The following CHRM3 variants were observed in gnomAD, a reference collection of about 807,000 sequenced individuals.
The protein encoded by CHRM3 is cholinergic receptor muscarinic 3.
Under a neutral mutation model 41.8 loss-of-function variants are expected in CHRM3, and 11 were observed. That is an observed-to-expected ratio of 0.26 (90% CI 0.17 to 0.44). The LOEUF (loss-of-function observed/expected upper bound fraction) is 0.44, where lower values mean the gene tolerates loss of function less well. CHRM3 is among the 20% of genes least tolerant of loss of function. The pLI is 1.00. For missense variants in CHRM3, 571 were observed against 745.4 expected (o/e 0.77, Z 2.72); for synonymous variants, 297 against 301.4 (o/e 0.99, Z 0.15).
Position 239,618,780 on chromosome 1 carries a change from C to T in CHRM3, c.-312-13444C>T, listed in dbSNP as rs536431072. Among the ~76,000 whole-genome samples, 242 of 140,288 alleles carry T rather than the reference C, an allele frequency of 1.7e-3. 5 individuals carry two copies. The highest frequency in any genetic ancestry group is 3.1e-4 in the Non-Finnish European group (20 of 65,402). 92.0% of individuals were successfully genotyped at this position (140,288 alleles called of 152,430 possible). A position where few individuals can be genotyped will look rare whatever the true frequency, so the allele number is the denominator to read the frequency against. On this transcript the variant is annotated intron_variant, in intron 3 of 6. Coordinates refer to ENST00000676153, the MANE Select transcript of CHRM3 (RefSeq NM_001375978.1). ...AATGGCGTGAACCCGGGAGGCGGAG[C>T]TTGCAGTGAGCCGAGATCGCGCCCC... is the stretch of plus-strand genomic sequence containing the variant.
At chr1:239,580,704 T>TATATATATATATATATATATATACATAC (rs570878631) in intron 3 of CHRM3, among the ~76,000 whole-genome samples, 64 of 131,054 alleles carry the variant, frequency 4.9e-4, no homozygotes, top group South Asian at 9.8e-4. Context: ...TATATATATA[T>TATATATATATATATATATATATACATAC]ACACACACAC....
chr1:239,532,126 CCTCAGCCTCCCGA>C (rs1657653915), intron 2 of CHRM3, among the ~76,000 whole-genome samples: 1 of 140,416 alleles, frequency 7.1e-6, no homozygotes, highest in African/African-American at 2.6e-5. Flanking sequence ...CATTCTCCTG[CCTCAGCCTCCCGA>C]GTAGCTGGGA....
chr1:239,780,906 T>C lies in CHRM3; in HGVS notation c.-146-46346T>C, dbSNP rs968336381. 3.3e-5 allele frequency among the ~76,000 whole-genome samples: 5 copies of C among 152,046 alleles called. No homozygotes were observed. The East Asian group carries it at 5.8e-4, about 18-fold the overall frequency. ...AGTCTGTTGTATTGCCTTTGCACCA[T>C]TGTGAAAGATCGGTTCACTATATTC... On this transcript the variant is annotated intron_variant, in intron 5 of 6. Coordinates refer to ENST00000676153, the MANE Select transcript of CHRM3 (RefSeq NM_001375978.1).
rs1660010091 is a variant in CHRM3 at position 239,552,963 on chromosome 1, T to C, written c.-313+7214T>C. 2.6e-5 allele frequency among the ~76,000 whole-genome samples: 4 copies of C among 152,212 alleles called. No homozygotes were observed. The South Asian group carries it at 8.3e-4, about 32-fold the overall frequency. On this transcript the variant is annotated intron_variant, in intron 3 of 6. Coordinates refer to ENST00000676153, the MANE Select transcript of CHRM3 (RefSeq NM_001375978.1). ...CTTCCAGTTTTATGTTGAAATTTGA[T>C]CATAACAATAATGGCCACCATACCC...
At chr1:239,481,673 G>A (rs796823964) in intron 1 of CHRM3, among the ~76,000 whole-genome samples, 2 of 152,206 alleles carry the variant, frequency 1.3e-5, no homozygotes, top group Admixed American at 6.5e-5. Flanking sequence ...ACAGAAGTAA[G>A]TAGGATGGCT....
intron 6 of CHRM3, among the ~76,000 whole-genome samples, chr1:239,893,351 T>G (rs950179547): frequency 1.3e-5 from 2 of 152,156 alleles, no homozygotes; most frequent in Admixed American, 6.6e-5. Context: ...AGTTTCTGCT[T>G]TATAAGCTTA....
chr1:239,760,176 C>T (rs1465643550), intron 5 of CHRM3, among the ~76,000 whole-genome samples: 1 of 151,816 alleles, frequency 6.6e-6, no homozygotes, highest in African/African-American at 2.4e-5. Flanking sequence ...CCGCCCACCT[C>T]GGCCCCCCAA....
At chr1:239,445,677 TAA>T (rs1664071513) in intron 1 of CHRM3, among the ~76,000 whole-genome samples, 1 of 152,186 alleles carries the variant, frequency 6.6e-6, no homozygotes, top group Non-Finnish European at 1.5e-5. Context: ...CTAATGTTTA[TAA>T]AAGTGGTTAG....
chr1:239,638,131 A>G (rs1333754610), intron 4 of CHRM3, among the ~76,000 whole-genome samples: 2 of 151,048 alleles, frequency 1.3e-5, no homozygotes. Flanking sequence ...CATGGTGTAT[A>G]TGTGCCACAT....
chr1:239,488,853 C>A (rs912276223), intron 1 of CHRM3, among the ~76,000 whole-genome samples: 5 of 151,374 alleles, frequency 3.3e-5, no homozygotes, highest in Non-Finnish European at 1.5e-5. Flanking sequence ...TACAATTTCC[C>A]CTGTATAAAT....
chr1:239,535,715 T>G (rs949502697), intron 2 of CHRM3, among the ~76,000 whole-genome samples: 2 of 152,044 alleles, frequency 1.3e-5, no homozygotes, highest in Admixed American at 6.6e-5. Context: ...TCTTTGCACA[T>G]TTCTGACCTG....
chr1:239,849,428 TGTCTG>T, intron 6 of CHRM3, among the ~76,000 whole-genome samples: 1 of 152,350 alleles, frequency 6.6e-6, no homozygotes, highest in Non-Finnish European at 1.5e-5. Context: ...CTTCAAATAC[TGTCTG>T]CATATAAAGG....
intron 3 of CHRM3, among the ~76,000 whole-genome samples, chr1:239,602,090 A>ATATGTG (rs371232279): frequency 1.4e-4 from 18 of 131,226 alleles, no homozygotes; most frequent in East Asian, 1.1e-3. Context: ...ACATATATAC[A>ATATGTG]TGTGTGTGTG....
intron 1 of CHRM3, among the ~76,000 whole-genome samples, chr1:239,440,404 C>T (rs1663624878): frequency 6.6e-6 from 1 of 152,096 alleles, no homozygotes; most frequent in African/African-American, 2.4e-5. Context: ...CGATGGAGCA[C>T]CTGAGCCCAG....
intron 5 of CHRM3, among the ~76,000 whole-genome samples, chr1:239,683,175 T>A (rs1184910521): frequency 6.6e-6 from 1 of 152,188 alleles, no homozygotes; most frequent in Non-Finnish European, 1.5e-5. Flanking sequence ...TCTCCCAACA[T>A]CCTCAATGCT....
At chr1:239,449,261 A>C (rs989445450) in intron 1 of CHRM3, among the ~76,000 whole-genome samples, 9 of 152,222 alleles carry the variant, frequency 5.9e-5, no homozygotes, top group Non-Finnish European at 1.0e-4. Context: ...GAAACCCCAA[A>C]GACATTATTA....
intron 5 of CHRM3, among the ~76,000 whole-genome samples, chr1:239,685,198 G>C (rs897924015): frequency 6.6e-6 from 1 of 152,126 alleles, no homozygotes; most frequent in Non-Finnish European, 1.5e-5. Flanking sequence ...AACTCCAGCC[G>C]GGACCTGGGT....
chr1:239,758,392 G>A (rs560078943), intron 5 of CHRM3, among the ~76,000 whole-genome samples: 24 of 152,178 alleles, frequency 1.6e-4, no homozygotes, highest in Admixed American at 1.4e-3. Flanking sequence ...GTGAATGTTA[G>A]GCTACGTGTA....
At chr1:239,534,858 A>G (rs1253374756) in intron 2 of CHRM3, among the ~76,000 whole-genome samples, 1 of 152,248 alleles carries the variant, frequency 6.6e-6, no homozygotes, top group South Asian at 2.1e-4. Context: ...TAAGGTTATC[A>G]TTAAATGAAA....
Sources: gnomAD v4.1 joint callset for allele counts (sites outside exome capture counted in the v4.1 genomes callset) on GRCh38, gnomAD v4.1.1 for gene constraint, MANE v1.5 for transcripts, NCBI Gene and HGNC (gene_info 2026-07-23, HGNC 2026-07-21) for gene names.